Variants in WDR49 observed in about 807,000 individuals in gnomAD.
The protein encoded by WDR49 is WD repeat domain 49.
A neutral mutation model predicts 119.5 loss-of-function variants in WDR49; 107 were observed. The observed-to-expected ratio is 0.90, with a 90% CI of 0.77 to 1.05. The LOEUF (loss-of-function observed/expected upper bound fraction) is 1.05. Among genes scored for constraint, WDR49 ranks in the 50% least tolerant of loss-of-function variants. WDR49 has a pLI of 0.00. For synonymous variants in WDR49, 425 were observed against 418.8 expected, an observed-to-expected ratio of 1.01 and a Z score of -0.18; for missense variants, 1,240 against 1,220.5, an observed-to-expected ratio of 1.02 and a Z score of -0.24.
rs1479030230 is a variant in WDR49, at chr3:167,531,214, A to G, written c.2119T>C (p.Ser707Pro). 1 of 1,611,738 alleles carries G rather than the reference A, an allele frequency of 6.2e-7. No homozygotes were observed. The highest frequency in any genetic ancestry group is 8.5e-7 in the Non-Finnish European group (1 of 1,179,612). The stretch of plus-strand genomic sequence containing the variant: ...TCAAAGTTGCGGACTCCCGTGGTAG[A>G]ATGGTCTGCCATGGGGTGGGAGGGT... ...SQPSHPMADH[S>P]TTGVRNFEID... Residue 707 changes from serine (S) to proline (P), a missense_variant, in exon 13 of 19, where the codon TCT becomes CCT. Physicochemically the swap from Ser to Pro is moderately conservative, Grantham distance 74 (BLOSUM62 -1). Coordinates refer to ENST00000682715, the MANE Select transcript of WDR49 (RefSeq NM_001366157.1).
At chr3:167,569,678 A>G (rs1032909303) in intron 8 of WDR49, among the ~76,000 whole-genome samples, 9 of 143,504 alleles carry the variant, frequency 6.3e-5, no homozygotes, top group Non-Finnish European at 1.2e-4. Context: ...GCCTGGACAC[A>G]GCAAAAAAAA....
intron 8 of WDR49, among the ~76,000 whole-genome samples, chr3:167,573,180 G>T (rs1349001239): frequency 1.3e-5 from 2 of 152,048 alleles, no homozygotes; most frequent in East Asian, 3.9e-4. Context: ...GGCAATGCCA[G>T]GGAGGCACGT....
Position 167,536,964 on chromosome 3 carries a change from T to C in WDR49, c.1860A>G (p.Gln620=), listed in dbSNP as rs746681523. Residue 620 remains glutamine (Q), a synonymous_variant, in exon 11 of 19, where the codon CAA becomes CAG. Coordinates refer to ENST00000682715, the MANE Select transcript of WDR49 (RefSeq NM_001366157.1). ...TCCATTCTTCAGGCTGGATGAAAAA[T>C]TGATTGAAGTTTTGGGGTCGAAACA... The part of the protein sequence containing the change: ...ITVFRPQNFN[Q]FFIQPEEWKG... The C allele has an allele frequency of 1.3e-6, 2 of 1,590,398 alleles. No homozygotes were observed. Among genetic ancestry groups the C allele is most frequent in the South Asian group, 1.1e-5 (1 of 87,024 alleles).
At chr3:167,592,089 A>C (rs1385829422) in intron 7 of WDR49, among the ~76,000 whole-genome samples, 2 of 152,064 alleles carry the variant, frequency 1.3e-5, no homozygotes, top group African/African-American at 4.8e-5. Flanking sequence ...TGAGGTTACC[A>C]TGAGGCTTGA....
chr3:167,555,174 T>A (rs1256116573), intron 9 of WDR49, among the ~76,000 whole-genome samples: 2 of 152,104 alleles, frequency 1.3e-5, no homozygotes, highest in Admixed American at 1.3e-4. Context: ...GAGAGAAGTT[T>A]AAAGTTGAGT....
chr3:167,493,231 C>T (rs1052514583), intron 18 of WDR49, among the ~76,000 whole-genome samples: 8 of 152,192 alleles, frequency 5.3e-5, no homozygotes, highest in Admixed American at 5.2e-4. Flanking sequence ...CAACACCAGA[C>T]TCCTGCAATG....
At chr3:167,520,362 T>C (rs1752393927) in intron 16 of WDR49, among the ~76,000 whole-genome samples, 1 of 152,134 alleles carries the variant, frequency 6.6e-6, no homozygotes, top group Admixed American at 6.6e-5. Flanking sequence ...CTGCTATGCA[T>C]GTGATGGAAA....
intron 15 of WDR49, among the ~76,000 whole-genome samples, chr3:167,523,174 G>T (rs1752514577): frequency 6.6e-6 from 1 of 152,112 alleles, no homozygotes; most frequent in South Asian, 2.1e-4. Context: ...CTTGTCATAA[G>T]TGTTTGCAGA....
chr3:167,570,865 G>A (rs1713897599), intron 8 of WDR49, among the ~76,000 whole-genome samples: 1 of 152,010 alleles, frequency 6.6e-6, no homozygotes, highest in Non-Finnish European at 1.5e-5. Context: ...GTGAAACCAT[G>A]TCTCTACTAA....
chr3:167,496,895 A>G (rs1187913252), intron 18 of WDR49, among the ~76,000 whole-genome samples: 1 of 151,178 alleles, frequency 6.6e-6, no homozygotes, highest in East Asian at 1.9e-4. Context: ...TTCCAAACAC[A>G]TTTGACTTTA....
At chr3:167,631,306 AT>A (rs1717360777) in intron 2 of WDR49, among the ~76,000 whole-genome samples, 1 of 152,108 alleles carries the variant, frequency 6.6e-6, no homozygotes, top group Non-Finnish European at 1.5e-5. Context: ...ATGGTAAAAA[AT>A]AAATAAATAA....
chr3:167,554,787 G>C lies in WDR49; in HGVS notation c.1686C>G (p.Phe562Leu). The C allele has an allele frequency of 6.2e-7, 1 of 1,606,440 alleles. No homozygotes were observed. Among genetic ancestry groups the C allele is most frequent in the East Asian group, 2.2e-5 (1 of 44,744 alleles). The change falls in exon 10 of 19, where the codon TTC (phenylalanine) becomes TTG (leucine). Residue 562 changes from phenylalanine to leucine, a missense_variant. Phe to Leu is a conservative substitution (Grantham distance 22). Coordinates refer to ENST00000682715, the MANE Select transcript of WDR49 (RefSeq NM_001366157.1). ...STDGTVKIWD[F>L]NGYCHHTLNV... ...TTAGTGTATGGTGACAATATCCATT[G>C]AAGTCCCATATCTTTAAGAGAAAAA...
chr3:167,653,230 A>G, intron 2 of WDR49, 31 bp downstream of exon 2: 3 of 1,535,736 alleles, frequency 2.0e-6, no homozygotes, highest in Non-Finnish European at 2.6e-6. Flanking sequence ...TGAACAACTC[A>G]AACTATCTGG....
In WDR49 at chr3:167,623,265, A is replaced by G. The variant is rs148452506; in HGVS notation, c.607-1622T>C. Among the ~76,000 whole-genome samples the G allele has an allele frequency of 1.1e-4, 17 of 152,204 alleles. No individual in the cohort carries two copies. The East Asian group carries it at 3.3e-3, about 29-fold the overall frequency. ...AACTGCAGATCTATACATCTTACGA[A>G]TACAAATGTAAAATGTATACTGAAC... On this transcript the variant is annotated intron_variant, in intron 3 of 18. Transcript: ENST00000682715.
At chr3:167,655,668 C>T (rs1178559433), upstream of WDR49, among the ~76,000 whole-genome samples, 8 of 152,254 alleles carry the variant, frequency 5.3e-5, no homozygotes, top group East Asian at 3.9e-4. Flanking sequence ...GAAGCCAAGA[C>T]AGGCAGATCA....
upstream of WDR49, among the ~76,000 whole-genome samples, chr3:167,654,426 G>T (rs1322469021): frequency 6.6e-6 from 1 of 152,112 alleles, no homozygotes; most frequent in African/African-American, 2.4e-5. Flanking sequence ...AAAATTGCTT[G>T]CAGTGTCATT....
intron 16 of WDR49, among the ~76,000 whole-genome samples, chr3:167,514,919 C>A (rs931939491): frequency 6.6e-6 from 1 of 152,104 alleles, no homozygotes; most frequent in African/African-American, 2.4e-5. Context: ...AACACCCTCT[C>A]AAGACTGAAC....
At chr3:167,521,640 T>G (rs1007548768) in intron 16 of WDR49, among the ~76,000 whole-genome samples, 2 of 152,138 alleles carry the variant, frequency 1.3e-5, no homozygotes, top group Non-Finnish European at 2.9e-5. Flanking sequence ...CAAAATATTT[T>G]TATTATTCTC....
At chr3:167,565,380 TACAC>T (rs112641739) in intron 8 of WDR49, among the ~76,000 whole-genome samples, 1,874 of 129,036 alleles carry the variant, frequency 0.015, 17 homozygotes, top group South Asian at 0.035. Flanking sequence ...CATATCTATC[TACAC>T]ACACACACAC....
Sources: allele counts gnomAD v4.1 joint callset (sites outside exome capture counted in the v4.1 genomes callset), GRCh38; gene constraint gnomAD v4.1.1; transcripts MANE v1.5; gene names NCBI Gene and HGNC (gene_info 2026-07-23, HGNC 2026-07-21).